The following SPIRE1 variants were observed in gnomAD, a reference collection of about 807,000 sequenced individuals.
SPIRE1 encodes spire type actin nucleation factor 1.
A neutral mutation model predicts 94.1 loss-of-function variants in SPIRE1; 40 were observed. The ratio of observed to expected loss-of-function variants is 0.43; its 90% CI spans 0.33 to 0.55. The LOEUF is 0.55. SPIRE1 is among the 20% of genes least tolerant of loss of function. The pLI, the probability that SPIRE1 is intolerant of heterozygous loss-of-function variation, is 0.06. For missense variants in SPIRE1, 838 were observed against 975.2 expected, an observed-to-expected ratio of 0.86 and a Z score of 1.87; for synonymous variants, 376 against 371.7, an observed-to-expected ratio of 1.01 and a Z score of -0.13.
chr18:12,526,391 T>C (rs1244544088), intron 4 of SPIRE1, among the ~76,000 whole-genome samples: 2 of 152,176 alleles, frequency 1.3e-5, no homozygotes, highest in Admixed American at 6.5e-5. Context: ...CTGTGCATGG[T>C]CCCTTTGGTG....
At chr18:12,571,490 C>T (rs759480618) in intron 2 of SPIRE1, among the ~76,000 whole-genome samples, 10 of 152,148 alleles carry the variant, frequency 6.6e-5, no homozygotes, top group Non-Finnish European at 1.2e-4. Flanking sequence ...ATGCATTCTG[C>T]GTCTTTAGAA....
chr18:12,512,502 C>T lies in SPIRE1; in HGVS notation c.759G>A (p.Lys253=). 1 of 1,612,294 alleles carries T rather than the reference C, an allele frequency of 6.2e-7. No homozygotes were observed. Among genetic ancestry groups the T allele is most frequent in the Non-Finnish European group, 8.5e-7 (1 of 1,178,922 alleles). ...ENLKKIQEME[K]SDESSTDLEE... ...CCAAGTCTGTGCTAGATTCATCGCT[C>T]TTTTCCATTTCTTGAATCTTCTTAA... Residue 253 remains lysine, a synonymous_variant, in exon 5 of 17, where the codon AAG becomes AAA. Coordinates refer to ENST00000409402, the MANE Select transcript of SPIRE1 (RefSeq NM_001128626.2).
chr18:12,469,627 ATTAT>A (rs1011899624), intron 10 of SPIRE1, among the ~76,000 whole-genome samples: 37 of 144,708 alleles, frequency 2.6e-4, no homozygotes, highest in Admixed American at 2.8e-4. Flanking sequence ...TATAAATGTA[ATTAT>A]TTATATTTAT....
chr18:12,565,251 T>C (rs34456643), intron 2 of SPIRE1, among the ~76,000 whole-genome samples: 62,564 of 152,052 alleles, frequency 0.41, 14,670 homozygotes, highest in East Asian at 0.59. Context: ...TCAGAAACCA[T>C]GCAAGCAAGA....
chr18:12,449,759 C>T lies in SPIRE1; in HGVS notation c.2150G>A (p.Arg717Gln), dbSNP rs778378090. Residue 717 changes from arginine to glutamine, a missense_variant, in exon 17 of 17, where the codon CGG becomes CAG. By Grantham distance (43) the Arg-to-Gln change is conservative (BLOSUM62 1). Around this residue, in one of 2 missense-constraint regions of SPIRE1, gnomAD observed 645 missense variants for 804.7 expected, o/e 0.80. Transcript: ENST00000409402. ...TTTGTTGGCCAACACCAGACTGCGCCGGCTTGAACTGATGATTTCCGAAAT... is the reference window on the plus strand; with the variant it reads ...TTTGTTGGCCAACACCAGACTGCGCTGGCTTGAACTGATGATTTCCGAAAT... ...KFISEIISSSRRSLVLANKRA... is the reference protein window; with the variant it reads ...KFISEIISSSQRSLVLANKRA... 4.0e-5 allele frequency: 65 copies of T among 1,614,114 alleles called. No individual in the cohort carries two copies. In the South Asian group the frequency reaches 4.5e-4, roughly 11 times the overall value.
intron 2 of SPIRE1, among the ~76,000 whole-genome samples, chr18:12,563,989 C>T (rs1335140788): frequency 6.6e-6 from 1 of 152,060 alleles, no homozygotes; most frequent in Non-Finnish European, 1.5e-5. Flanking sequence ...TTTTACATAT[C>T]TTCAGTTTCT....
intron 1 of SPIRE1, among the ~76,000 whole-genome samples, chr18:12,639,471 T>C (rs911033808): frequency 6.6e-6 from 1 of 152,114 alleles, no homozygotes; most frequent in Non-Finnish European, 1.5e-5. Context: ...CAGTGGCTCA[T>C]ACCTGCCATC....
intron 4 of SPIRE1, among the ~76,000 whole-genome samples, chr18:12,521,712 A>C (rs1401315758): frequency 1.3e-5 from 2 of 152,014 alleles, no homozygotes; most frequent in African/African-American, 2.4e-5. Flanking sequence ...TTTTTCCTAG[A>C]GTATGTGCTC....
intron 5 of SPIRE1, among the ~76,000 whole-genome samples, chr18:12,508,680 T>G (rs1204843215): frequency 6.6e-6 from 1 of 152,184 alleles, no homozygotes. Flanking sequence ...ACTTGGTTTT[T>G]TTTTTTTTTT....
intron 1 of SPIRE1, among the ~76,000 whole-genome samples, chr18:12,647,002 G>C (rs2038246032): frequency 6.6e-6 from 1 of 150,830 alleles, no homozygotes; most frequent in Non-Finnish European, 1.5e-5. Context: ...CAAGATCGCA[G>C]GATTGCCCTC....
intron 2 of SPIRE1, 108 bp from the exon 3 acceptor site, chr18:12,547,012 A>AAC (rs2035193729): frequency 7.4e-6 from 5 of 672,380 alleles, no homozygotes; most frequent in Non-Finnish European, 1.0e-5. Flanking sequence ...ACCAACATAC[A>AAC]ACACATACAC....
At chr18:12,505,379 T>C (rs2033792873) in intron 6 of SPIRE1, among the ~76,000 whole-genome samples, 5 of 151,866 alleles carry the variant, frequency 3.3e-5, no homozygotes, top group Admixed American at 2.6e-4. Context: ...CAAAACTCCA[T>C]CTCTACAAAA....
intron 2 of SPIRE1, among the ~76,000 whole-genome samples, chr18:12,591,867 G>A (rs1043256837): frequency 6.6e-6 from 1 of 150,892 alleles, no homozygotes; most frequent in Non-Finnish European, 1.5e-5. Flanking sequence ...TACTTGGGAG[G>A]CTGATGCAGG....
rs1598472337 is a variant in SPIRE1 at position 12,559,958 on chromosome 18, T to A, written c.373-13054A>T. Among the ~76,000 whole-genome samples the A allele has an allele frequency of 6.6e-6, 1 of 152,326 alleles. No homozygotes were observed. The highest frequency in any genetic ancestry group is 1.9e-4 in the East Asian group (1 of 5,192). On this transcript the variant is annotated intron_variant, in intron 2 of 16. Transcript: ENST00000409402. The surrounding 1 kb of genome is among the most constrained non-coding windows in gnomAD (Gnocchi z 4.7). ...AGATCCGAATAGACATTTCTCAAAG[T>A]AAGAATTAGAAATGGCAAACAGGTA...
chr18:12,528,743 G>A (rs898388972), intron 4 of SPIRE1, among the ~76,000 whole-genome samples: 3 of 152,206 alleles, frequency 2.0e-5, no homozygotes, highest in Admixed American at 2.0e-4. Flanking sequence ...CAATGCGTGA[G>A]GCAAGGTAAG....
At chr18:12,453,678 C>T (rs1461120638) in intron 13 of SPIRE1, among the ~76,000 whole-genome samples, 1 of 152,158 alleles carries the variant, frequency 6.6e-6, no homozygotes, top group Non-Finnish European at 1.5e-5. Flanking sequence ...TTGTGATCCG[C>T]CTGCCTAGGC....
intron 2 of SPIRE1, among the ~76,000 whole-genome samples, chr18:12,606,298 AAAC>A (rs1344911026): frequency 6.6e-6 from 1 of 152,174 alleles, no homozygotes; most frequent in Non-Finnish European, 1.5e-5. Context: ...CCAGTGCCTA[AAAC>A]AACTGTCTGG....
At position 12,520,044 on chromosome 18, in the gene SPIRE1, T is replaced by C. The variant is rs148410246; in HGVS notation, c.730-7513A>G. Among the ~76,000 whole-genome samples the C allele has an allele frequency of 5.1e-3, 772 of 152,298 alleles. 5 individuals carry two copies. Among genetic ancestry groups the C allele is most frequent in the South Asian group, 0.019 (90 of 4,832 alleles). ...GGAAATTACTTAGTAGCTGTCAATA[T>C]AGGACTAGTTAAACTCATTACACCA... is the stretch of plus-strand genomic sequence containing the variant. On this transcript the variant is annotated intron_variant, in intron 4 of 16. Transcript: ENST00000409402.
At chr18:12,527,830 G>A (rs2034566993) in intron 4 of SPIRE1, among the ~76,000 whole-genome samples, 1 of 152,142 alleles carries the variant, frequency 6.6e-6, no homozygotes, top group Non-Finnish European at 1.5e-5. Context: ...ACTTTGGGAG[G>A]CCGAGGTGGG....
Sources: gnomAD v4.1 joint callset for allele counts (sites outside exome capture counted in the v4.1 genomes callset) on GRCh38, gnomAD v4.1.1 for gene constraint, gnomAD v4.1.1 regional missense constraint, Gnocchi (gnomAD v3.1) non-coding constraint, MANE v1.5 for transcripts, NCBI Gene and HGNC (gene_info 2026-07-23, HGNC 2026-07-21) for gene names.